The following COP1 variants were observed in gnomAD, a reference collection of about 807,000 sequenced individuals.
COP1 encodes E3 ubiquitin-protein ligase COP1.
COP1 carries 24 observed loss-of-function variants against 101.3 expected under a neutral mutation model. The observed-to-expected ratio is 0.24, with a 90% CI of 0.17 to 0.33. The LOEUF (loss-of-function observed/expected upper bound fraction) is 0.33, where lower values mean the gene tolerates loss of function less well. COP1 is among the 10% of genes least tolerant of loss of function. The probability of loss-of-function intolerance (pLI) is 1.00; values close to 1 mark genes in which losing one functional copy is unlikely to be tolerated. For synonymous variants in COP1, 347 were observed against 341.9 expected (o/e 1.01, Z -0.17); for missense variants, 663 against 906.2 (o/e 0.73, Z 3.45).
At chr1:176,129,030 G>A (rs1211059624) in intron 8 of COP1, among the ~76,000 whole-genome samples, 1 of 151,828 alleles carries the variant, frequency 6.6e-6, no homozygotes, top group African/African-American at 2.4e-5. Flanking sequence ...TAGTATAGTT[G>A]CATAGAATGA....
chr1:176,026,979 C>T (rs1038221574), intron 15 of COP1, among the ~76,000 whole-genome samples: 1 of 152,064 alleles, frequency 6.6e-6, no homozygotes, highest in Non-Finnish European at 1.5e-5. Flanking sequence ...TACAATGGTA[C>T]AAACGGTGTG....
chr1:176,200,838 G>A (rs1572825043), intron 1 of COP1, among the ~76,000 whole-genome samples: 1 of 152,126 alleles, frequency 6.6e-6, no homozygotes, highest in African/African-American at 2.4e-5. Context: ...ACAAAAACCT[G>A]AATGCTTACA....
chr1:176,192,693 T>C (rs1699239018), intron 1 of COP1, among the ~76,000 whole-genome samples: 3 of 151,928 alleles, frequency 2.0e-5, no homozygotes, highest in African/African-American at 7.3e-5. Flanking sequence ...GAAAAACAAA[T>C]GCCTACACAG....
In COP1 at chr1:176,153,487, G is replaced by A. The variant is rs559996100; in HGVS notation, c.763-4413C>T. On this transcript the variant is annotated intron_variant, in intron 5 of 19. Coordinates refer to ENST00000367669, the MANE Select transcript of COP1 (RefSeq NM_022457.7). ...TGTTTGTCAGCTTAAGAAGCTTGTC[G>A]GCTGAGACTATGGGATTTTCTAGGT... 5.9e-5 allele frequency among the ~76,000 whole-genome samples: 9 copies of A among 152,172 alleles called. No homozygotes were observed. The East Asian group carries it at 1.4e-3, about 23-fold the overall frequency.
chr1:176,015,293 G>C (rs1665427733), intron 15 of COP1, among the ~76,000 whole-genome samples: 1 of 152,190 alleles, frequency 6.6e-6, no homozygotes. Flanking sequence ...AAGTAGAGAA[G>C]AGCTGAGTAT....
At chr1:176,029,813 G>A (rs1274388809) in intron 14 of COP1, among the ~76,000 whole-genome samples, 3 of 152,250 alleles carry the variant, frequency 2.0e-5, no homozygotes, top group African/African-American at 4.8e-5. Context: ...ACGGGATTAC[G>A]TAAGAATTTA....
intron 18 of COP1, among the ~76,000 whole-genome samples, chr1:175,973,354 T>G (rs748950432): frequency 6.6e-6 from 1 of 152,188 alleles, no homozygotes; most frequent in East Asian, 1.9e-4. Flanking sequence ...ATAGTTTGCA[T>G]GTACTAATCT....
At chr1:176,196,214 G>C (rs1442919517) in intron 1 of COP1, among the ~76,000 whole-genome samples, 3 of 151,918 alleles carry the variant, frequency 2.0e-5, no homozygotes, top group African/African-American at 7.3e-5. Context: ...AACCAGAAAA[G>C]AAAACATGAA....
intron 15 of COP1, among the ~76,000 whole-genome samples, chr1:175,993,523 A>G (rs1432629874): frequency 6.6e-6 from 1 of 152,198 alleles, no homozygotes; most frequent in African/African-American, 2.4e-5. Flanking sequence ...GTATAACTAG[A>G]ATAACCAATA....
chr1:176,137,798 C>T (rs189385644), intron 6 of COP1, among the ~76,000 whole-genome samples: 53 of 152,120 alleles, frequency 3.5e-4, no homozygotes, highest in African/African-American at 1.1e-3. Context: ...TCTTCTGTGG[C>T]AATACAGGCA....
At chr1:176,132,530 C>T (rs1558172378) in intron 8 of COP1, among the ~76,000 whole-genome samples, 1 of 149,052 alleles carries the variant, frequency 6.7e-6, no homozygotes, top group African/African-American at 2.5e-5. Flanking sequence ...TACACACACA[C>T]ATATATGAAT....
chr1:176,046,072 G>A, intron 12 of COP1, 109 bp downstream of exon 12: 1 of 793,746 alleles, frequency 1.3e-6, no homozygotes, highest in Non-Finnish European at 2.1e-6. Context: ...CAATAATAGT[G>A]TTCACCATGA....
chr1:175,946,614 T>C (rs1408068867), intron 19 of COP1, among the ~76,000 whole-genome samples: 1 of 152,232 alleles, frequency 6.6e-6, no homozygotes, highest in Non-Finnish European at 1.5e-5. Context: ...ACAAGTGCTA[T>C]ATATGCATCA....
Position 176,184,627 on chromosome 1 carries a change from T to C in COP1, c.467+6A>G, listed in dbSNP as rs1698228320. 3 of 1,594,750 alleles carry C rather than the reference T, an allele frequency of 1.9e-6. No individual in the cohort carries two copies. Among genetic ancestry groups the C allele is most frequent in the Admixed American group, 1.7e-5 (1 of 59,212 alleles). On this transcript the variant is annotated splice_donor_region_variant and intron_variant, in intron 2 of 19. Coordinates refer to ENST00000367669, the MANE Select transcript of COP1 (RefSeq NM_022457.7). The stretch of plus-strand genomic sequence containing the variant: ...AAGATTATTTTACTCAATAGAATTG[T>C]CTTACCAAAAGCTGTGGCCACATTT...
At chr1:175,961,438 C>A (rs1461380551) in intron 18 of COP1, among the ~76,000 whole-genome samples, 1 of 152,106 alleles carries the variant, frequency 6.6e-6, no homozygotes, top group African/African-American at 2.4e-5. Context: ...GTAGATATCA[C>A]ATGCCAGATA....
chr1:176,132,407 C>T (rs981619643), intron 8 of COP1, among the ~76,000 whole-genome samples: 6 of 151,822 alleles, frequency 4.0e-5, no homozygotes, highest in African/African-American at 1.4e-4. Flanking sequence ...TCATGCATCA[C>T]TCAATGACAG....
intron 3 of COP1, among the ~76,000 whole-genome samples, chr1:176,172,378 G>A (rs1319237357): frequency 6.6e-6 from 1 of 152,092 alleles, no homozygotes; most frequent in Non-Finnish European, 1.5e-5. Flanking sequence ...AAGTTATGAC[G>A]AAAAAATTTT....
chr1:176,188,430 G>GA (rs889835701), intron 1 of COP1, among the ~76,000 whole-genome samples: 2 of 152,018 alleles, frequency 1.3e-5, no homozygotes, highest in African/African-American at 4.8e-5. Context: ...TAGGTTAAGG[G>GA]AAAAACGTAT....
At chr1:176,076,840 A>G (rs186337062) in intron 11 of COP1, among the ~76,000 whole-genome samples, 1 of 152,318 alleles carries the variant, frequency 6.6e-6, no homozygotes, top group Admixed American at 6.5e-5. Context: ...TATTATGAAC[A>G]TCTCTATGCA....
Sources: gnomAD v4.1 joint callset for allele counts (sites outside exome capture counted in the v4.1 genomes callset) on GRCh38, gnomAD v4.1.1 for gene constraint, MANE v1.5 for transcripts, NCBI Gene and HGNC (gene_info 2026-07-23, HGNC 2026-07-21) for gene names.